The following IMMP2L variants were observed in gnomAD, a reference collection of about 807,000 sequenced individuals.
The protein encoded by IMMP2L is mitochondrial inner membrane protease subunit 2.
In IMMP2L, 18 loss-of-function variants were observed where a neutral mutation model predicts 19.3. That is an observed-to-expected ratio of 0.93 (90% CI 0.64 to 1.38). The LOEUF (loss-of-function observed/expected upper bound fraction) is 1.38, where lower values mean the gene tolerates loss of function less well. IMMP2L is among the 40% of genes most tolerant of loss of function. The pLI is 0.00. For missense variants in IMMP2L, 233 were observed against 218.2 expected, an observed-to-expected ratio of 1.07 and a Z score of -0.43; for synonymous variants, 76 against 73.0, an observed-to-expected ratio of 1.04 and a Z score of -0.21.
intron 5 of IMMP2L, among the ~76,000 whole-genome samples, chr7:110,821,640 C>T (rs1803040058): frequency 6.6e-6 from 1 of 151,956 alleles, no homozygotes; most frequent in Non-Finnish European, 1.5e-5. Context: ...AGGCTGGGCA[C>T]AGTGGCTCAC....
rs373399548 is a variant in IMMP2L at position 110,922,645 on chromosome 7, G to C, written c.306-35950C>G. Reference sequence around the variant, plus strand: ...TTCTCTTCACTTAATCTACTGGTTGGGTTAGGCTCAAGGAACCACAGAGAT... The same window carrying C: ...TTCTCTTCACTTAATCTACTGGTTGCGTTAGGCTCAAGGAACCACAGAGAT... On this transcript the variant is annotated intron_variant, in intron 4 of 5. Coordinates refer to ENST00000405709, the MANE Select transcript of IMMP2L (RefSeq NM_032549.4). Among the ~76,000 whole-genome samples, 4 of 152,034 alleles carry C rather than the reference G, an allele frequency of 2.6e-5. No individual in the cohort carries two copies. In the East Asian group the frequency reaches 5.8e-4, roughly 22 times the overall value.
chr7:111,319,488 G>C (rs1002570984), intron 3 of IMMP2L, among the ~76,000 whole-genome samples: 10 of 152,038 alleles, frequency 6.6e-5, no homozygotes, highest in Non-Finnish European at 1.3e-4. Context: ...GAAGAGATTA[G>C]GGTAGAAAGT....
intron 3 of IMMP2L, among the ~76,000 whole-genome samples, chr7:111,478,964 A>G (rs1841954675): frequency 1.3e-5 from 2 of 152,212 alleles, no homozygotes; most frequent in African/African-American, 2.4e-5. Flanking sequence ...CTTAAAATCA[A>G]GATTGGGTTT....
intron 3 of IMMP2L, among the ~76,000 whole-genome samples, chr7:111,053,751 ACT>A (rs768258062): frequency 2.0e-5 from 3 of 152,124 alleles, no homozygotes; most frequent in Non-Finnish European, 4.4e-5. Flanking sequence ...CAGGTAGGAA[ACT>A]CTATTCAGTG....
At chr7:110,802,922 C>A (rs1340188158) in intron 5 of IMMP2L, among the ~76,000 whole-genome samples, 1 of 152,054 alleles carries the variant, frequency 6.6e-6, no homozygotes, top group Non-Finnish European at 1.5e-5. Flanking sequence ...GTGGTCCCTG[C>A]CCTCAGGGAG....
intron 3 of IMMP2L, among the ~76,000 whole-genome samples, chr7:111,400,793 T>C (rs1271256375): frequency 1.3e-5 from 2 of 152,246 alleles, no homozygotes; most frequent in African/African-American, 4.8e-5. Flanking sequence ...ATTAGATCAA[T>C]GACTGCATCC....
At chr7:110,956,332 G>C (rs1265420178) in intron 4 of IMMP2L, among the ~76,000 whole-genome samples, 1 of 151,966 alleles carries the variant, frequency 6.6e-6, no homozygotes. Context: ...GTACTCACCA[G>C]CACAAAATGA....
chr7:111,349,598 C>G (rs1827933465), intron 3 of IMMP2L, among the ~76,000 whole-genome samples: 1 of 152,068 alleles, frequency 6.6e-6, no homozygotes, highest in African/African-American at 2.4e-5. Context: ...CTTAACTATG[C>G]AACAGTTCAT....
At chr7:110,852,762 C>T (rs1341147436) in intron 5 of IMMP2L, among the ~76,000 whole-genome samples, 1 of 152,026 alleles carries the variant, frequency 6.6e-6, no homozygotes, top group Non-Finnish European at 1.5e-5. Context: ...GAATTGTCTT[C>T]CAATAGAAAC....
intron 3 of IMMP2L, among the ~76,000 whole-genome samples, chr7:110,985,310 C>T (rs1821741322): frequency 6.6e-6 from 1 of 152,020 alleles, no homozygotes; most frequent in African/African-American, 2.4e-5. Flanking sequence ...TAATATAGGC[C>T]AGTTTTCTCA....
chr7:110,903,922 G>A (rs1249897270), intron 4 of IMMP2L, among the ~76,000 whole-genome samples: 1 of 151,998 alleles, frequency 6.6e-6, no homozygotes, highest in African/African-American at 2.4e-5. Context: ...ATCCTCACAA[G>A]TGTGAGGTGG....
At chr7:111,176,118 T>C (rs948788602) in intron 3 of IMMP2L, among the ~76,000 whole-genome samples, 4 of 151,702 alleles carry the variant, frequency 2.6e-5, no homozygotes, top group Non-Finnish European at 5.9e-5. Context: ...AGACAGACAA[T>C]AATGCTGGCA....
intron 3 of IMMP2L, among the ~76,000 whole-genome samples, chr7:111,409,356 C>A (rs1834171652): frequency 1.3e-5 from 2 of 151,494 alleles, no homozygotes; most frequent in African/African-American, 4.9e-5. Flanking sequence ...TATAACCAAG[C>A]ATATTAAAAG....
chr7:111,237,788 G>A (rs936166159), intron 3 of IMMP2L, among the ~76,000 whole-genome samples: 1 of 151,792 alleles, frequency 6.6e-6, no homozygotes, highest in Admixed American at 6.6e-5. Context: ...AGAGAATAAT[G>A]CAAGGTCAGT....
At chr7:111,160,584 A>G (rs1213063104) in intron 3 of IMMP2L, among the ~76,000 whole-genome samples, 2 of 151,948 alleles carry the variant, frequency 1.3e-5, no homozygotes, top group Non-Finnish European at 2.9e-5. Context: ...AAGTTTAATG[A>G]CTTAAATTTT....
intron 3 of IMMP2L, chr7:111,124,964 G>A: frequency 3.5e-6 from 4 of 1,133,404 alleles, no homozygotes; most frequent in South Asian, 1.6e-5. Context: ...CTGCAGTTGT[G>A]CTAAAAACAA....
chr7:111,388,768 C>A (rs947007950), intron 3 of IMMP2L, among the ~76,000 whole-genome samples: 1 of 151,952 alleles, frequency 6.6e-6, no homozygotes, highest in East Asian at 1.9e-4. Flanking sequence ...CAGGAAAGAC[C>A]GGCCCCCATG....
chr7:111,180,738 C>T lies in IMMP2L; in HGVS notation c.240-217173G>A, dbSNP rs141679006. Among the ~76,000 whole-genome samples, 22 of 152,098 alleles carry T rather than the reference C, an allele frequency of 1.4e-4. 1 individual carries two copies. The highest frequency in any genetic ancestry group is 5.1e-4 in the African/African-American group (21 of 41,492). On this transcript the variant is annotated intron_variant, in intron 3 of 5. Coordinates refer to ENST00000405709, the MANE Select transcript of IMMP2L (RefSeq NM_032549.4). ...CTGAAATGACTGTACTTTCTAATTA[C>T]TTTTCATGCATTCACACGTATATAT...
At chr7:111,258,866 G>A (rs1046428806) in intron 3 of IMMP2L, among the ~76,000 whole-genome samples, 2 of 151,994 alleles carry the variant, frequency 1.3e-5, no homozygotes, top group African/African-American at 4.8e-5. Context: ...TTATACTTAA[G>A]TACTGAATGA....
Sources: gnomAD v4.1 joint callset for allele counts (sites outside exome capture counted in the v4.1 genomes callset) on GRCh38, gnomAD v4.1.1 for gene constraint, MANE v1.5 for transcripts, NCBI Gene and HGNC (gene_info 2026-07-23, HGNC 2026-07-21) for gene names.